The following MACROD2 variants were observed in gnomAD, a reference collection of about 807,000 sequenced individuals.
MACROD2 encodes ADP-ribose glycohydrolase MACROD2.
A neutral mutation model predicts 70.4 loss-of-function variants in MACROD2; 36 were observed. The observed-to-expected ratio is 0.51, with a 90% CI of 0.39 to 0.68. The LOEUF (loss-of-function observed/expected upper bound fraction) is 0.68, where lower values mean the gene tolerates loss of function less well. Ranked by LOEUF, MACROD2 falls within the 30% of genes least tolerant of loss-of-function variation. MACROD2 has a pLI of 0.00. For synonymous variants in MACROD2, 172 were observed against 178.8 expected, an observed-to-expected ratio of 0.96 and a Z score of 0.30; for missense variants, 496 against 538.4, an observed-to-expected ratio of 0.92 and a Z score of 0.78.
Position 15,157,349 on chromosome 20 carries a change from ACC to A in MACROD2, c.419-72583_419-72582del, listed in dbSNP as rs71870874. Among the ~76,000 whole-genome samples the A allele has an allele frequency of 8.2e-5, 9 of 109,486 alleles. 1 individual carries two copies. Among genetic ancestry groups the A allele is most frequent in the African/African-American group, 1.7e-4 (5 of 28,576 alleles). 71.8% of individuals were successfully genotyped at this position (109,486 alleles called of 152,430 possible). On this transcript the variant is annotated intron_variant, in intron 5 of 17. Transcript: ENST00000684519. ...TGACCTCATCTAAATCTAATTAACC[ACC>A]CCCCCCCACCTCCCCCCCCCCCGGC...
At chr20:14,074,227 C>T (rs562541825) in intron 2 of MACROD2, among the ~76,000 whole-genome samples, 17 of 152,168 alleles carry the variant, frequency 1.1e-4, no homozygotes, top group Non-Finnish European at 2.2e-4. Context: ...TCGATACTGA[C>T]GTCTCTTTTC....
chr20:14,500,770 A>G (rs907341930), intron 4 of MACROD2, among the ~76,000 whole-genome samples: 2 of 152,244 alleles, frequency 1.3e-5, no homozygotes, highest in Non-Finnish European at 2.9e-5. Context: ...CCCTGTTGAA[A>G]GGGCAACCCT....
intron 5 of MACROD2, among the ~76,000 whole-genome samples, chr20:14,686,699 G>A (rs1044443392): frequency 6.6e-6 from 1 of 152,130 alleles, no homozygotes; most frequent in Non-Finnish European, 1.5e-5. Context: ...ATCTCGGTTT[G>A]TGTAAGTATA....
intron 6 of MACROD2, among the ~76,000 whole-genome samples, chr20:15,405,997 G>A (rs1006603982): frequency 2.0e-5 from 3 of 152,170 alleles, no homozygotes; most frequent in Non-Finnish European, 4.4e-5. Context: ...ATGATGATCA[G>A]CTGAGTGAGT....
At chr20:15,200,653 G>T (rs918264168) in intron 5 of MACROD2, among the ~76,000 whole-genome samples, 4 of 152,138 alleles carry the variant, frequency 2.6e-5, no homozygotes, top group African/African-American at 9.7e-5. Context: ...TTATAAAATG[G>T]CACAAGGCAT....
At chr20:14,267,586 A>G (rs2082154425) in intron 3 of MACROD2, among the ~76,000 whole-genome samples, 1 of 152,126 alleles carries the variant, frequency 6.6e-6, no homozygotes, top group Non-Finnish European at 1.5e-5. Context: ...TATCATTCAA[A>G]CCAGGGCAAT....
intron 3 of MACROD2, among the ~76,000 whole-genome samples, chr20:14,362,825 C>A (rs973770955): frequency 1.3e-5 from 2 of 152,006 alleles, no homozygotes; most frequent in South Asian, 2.1e-4. Context: ...ATATAATGAA[C>A]CTTAAGAGCA....
In MACROD2 at chr20:14,188,593, A is replaced by C. The variant is rs528243725; in HGVS notation, c.271+102865A>C. 1.2e-4 allele frequency among the ~76,000 whole-genome samples: 19 copies of C among 152,252 alleles called. No homozygotes were observed. The South Asian group carries it at 3.7e-3, about 30-fold the overall frequency. On this transcript the variant is annotated intron_variant, in intron 3 of 17. Coordinates refer to ENST00000684519, the MANE Select transcript of MACROD2 (RefSeq NM_001351661.2). ...TTGAAAGTGATATCTAAATTTTTTCAGTTTCCCCACATGGAAACTCCTGCT... is the reference window on the plus strand; with the variant it reads ...TTGAAAGTGATATCTAAATTTTTTCCGTTTCCCCACATGGAAACTCCTGCT...
intron 8 of MACROD2, among the ~76,000 whole-genome samples, chr20:15,781,545 T>C (rs1052447319): frequency 1.3e-4 from 20 of 152,194 alleles, no homozygotes; most frequent in African/African-American, 4.6e-4. Flanking sequence ...GGCTTCTTCT[T>C]GCTGCATCTC....
chr20:14,674,356 T>C (rs536992966), intron 4 of MACROD2, among the ~76,000 whole-genome samples: 37 of 152,324 alleles, frequency 2.4e-4, no homozygotes, highest in Admixed American at 1.1e-3. Flanking sequence ...GTGATCCTAA[T>C]GAATTCTTCC....
At position 15,661,818 on chromosome 20, in the gene MACROD2, C is replaced by T. The variant is rs533421429; in HGVS notation, c.645+161971C>T. On this transcript the variant is annotated intron_variant, in intron 8 of 17. Transcript: ENST00000684519. ...ACTCTGTAAAATTAAGGTGTAATCACGTGCATCATAGCAATGTTGTAAAGA... is the reference window on the plus strand; with the variant it reads ...ACTCTGTAAAATTAAGGTGTAATCATGTGCATCATAGCAATGTTGTAAAGA... Among the ~76,000 whole-genome samples, 15 of 152,240 alleles carry T rather than the reference C, an allele frequency of 9.9e-5. No homozygotes were observed. In the East Asian group the frequency reaches 2.9e-3, roughly 29 times the overall value.
chr20:15,103,835 A>T (rs62202822), intron 5 of MACROD2, among the ~76,000 whole-genome samples: 50,776 of 152,018 alleles, frequency 0.33, 10,457 homozygotes, highest in Non-Finnish European at 0.46. Context: ...CGTGAGCAGA[A>T]CTGAATAAAG....
chr20:14,069,725 G>C (rs1410597348), intron 2 of MACROD2, among the ~76,000 whole-genome samples: 1 of 147,174 alleles, frequency 6.8e-6, no homozygotes, highest in Non-Finnish European at 1.5e-5. Context: ...TAGTAAATGG[G>C]GCCAAAAAGA....
At chr20:16,023,749 A>C (rs1175673276) in intron 15 of MACROD2, among the ~76,000 whole-genome samples, 1 of 152,108 alleles carries the variant, frequency 6.6e-6, no homozygotes, top group African/African-American at 2.4e-5. Flanking sequence ...ATGGGTAGGG[A>C]AGCTGGGCTG....
At chr20:14,069,580 AAAAC>A (rs1473060471) in intron 2 of MACROD2, among the ~76,000 whole-genome samples, 1 of 151,338 alleles carries the variant, frequency 6.6e-6, no homozygotes, top group Non-Finnish European at 1.5e-5. Context: ...TGGCATTAAA[AAAAC>A]AGCCAGTATG....
chr20:15,602,557 A>G (rs769113532), intron 8 of MACROD2, among the ~76,000 whole-genome samples: 1 of 152,242 alleles, frequency 6.6e-6, no homozygotes, highest in Non-Finnish European at 1.5e-5. Flanking sequence ...CTTAACACAC[A>G]GAGACCTAGT....
rs57310891 is a variant in MACROD2 at position 14,046,715 on chromosome 20, TTTTATTTATTTA to T, written c.164-38875_164-38864del. ...TTCCCCTTTACTCCCAAGCATTCTC[TTTTATTTATTTA>T]TTTATTTATTTATTTATTTATTTAT... On this transcript the variant is annotated intron_variant, in intron 2 of 17. Coordinates refer to ENST00000684519, the MANE Select transcript of MACROD2 (RefSeq NM_001351661.2). Among the ~76,000 whole-genome samples the T allele has an allele frequency of 6.5e-3, 950 of 145,886 alleles. 7 individuals carry two copies. Among genetic ancestry groups the T allele is most frequent in the African/African-American group, 0.018 (698 of 39,882 alleles).
In MACROD2 at chr20:15,899,324, A is replaced by G. The variant is rs184621773; in HGVS notation, c.775+13513A>G. On this transcript the variant is annotated intron_variant, in intron 10 of 17. Transcript: ENST00000684519. ...TGTGTGTACATATATACATATATAC[A>G]TATACATGTATATCTATACACATAC... 5.3e-4 allele frequency among the ~76,000 whole-genome samples: 81 copies of G among 152,268 alleles called. 1 individual carries two copies. The Middle Eastern group carries it at 0.014, about 26-fold the overall frequency.
chr20:14,449,338 CT>C (rs1342815481), intron 3 of MACROD2, among the ~76,000 whole-genome samples: 1 of 152,116 alleles, frequency 6.6e-6, no homozygotes, highest in Non-Finnish European at 1.5e-5. Context: ...AATCAACAGA[CT>C]TTTTCAGCAT....
Sources: gnomAD v4.1 joint callset for allele counts (sites outside exome capture counted in the v4.1 genomes callset) on GRCh38, gnomAD v4.1.1 for gene constraint, MANE v1.5 for transcripts, NCBI Gene and HGNC (gene_info 2026-07-23, HGNC 2026-07-21) for gene names.